SEC14L1: variants seen among roughly 807,000 people sequenced by gnomAD.
The protein encoded by SEC14L1 is SEC14-like protein 1.
SEC14L1 carries 48 observed loss-of-function variants against 85.3 expected under a neutral mutation model. The observed-to-expected ratio is 0.56, with a 90% confidence interval of 0.45 to 0.72. The LOEUF is 0.72. SEC14L1 is among the 30% of genes least tolerant of loss of function. The pLI is 0.00. For missense variants in SEC14L1, 682 were observed against 921.4 expected, an observed-to-expected ratio of 0.74 and a Z score of 3.36; for synonymous variants, 391 against 355.5, an observed-to-expected ratio of 1.10 and a Z score of -1.12.
chr17:77,117,745 A>AC lies in SEC14L1; in HGVS notation c.-136+24400dup, dbSNP rs538114011. On this transcript the variant is annotated intron_variant, in intron 3 of 19. Coordinates refer to the SEC14L1 transcript ENST00000392476. ...TTGGGCAAAGGGGCTTCGTTTGGGG[A>AC]CCTTTTGGTCTTTGAGACTCCCTGA... Among the ~76,000 whole-genome samples the AC allele has an allele frequency of 8.0e-4, 122 of 152,174 alleles. 1 individual carries two copies. Among genetic ancestry groups the AC allele is most frequent in the Admixed American group, 1.4e-3 (22 of 15,286 alleles).
chr17:77,204,522 C>CCTTTTTTT lies in SEC14L1; in HGVS notation c.1099-754_1099-753insCTTTTTTT, dbSNP rs1555628453. ...GGCTTGAGCCACCCTGCCCAGCCAGCTTTTTTTTTTTTTTTTTTTTTTTTT... is the reference window on the plus strand; with the variant it reads ...GGCTTGAGCCACCCTGCCCAGCCAGCCTTTTTTTTTTTTTTTTTTTTTTTTTTTTTTTT... On this transcript the variant is annotated intron_variant, in intron 10 of 16. Coordinates refer to ENST00000436233, the MANE Select transcript of SEC14L1 (RefSeq NM_001143998.2). Among the ~76,000 whole-genome samples the CCTTTTTTT allele has an allele frequency of 5.9e-5, 5 of 84,728 alleles. 1 individual carries two copies. Among genetic ancestry groups the CCTTTTTTT allele is most frequent in the Non-Finnish European group, 4.8e-5 (2 of 41,888 alleles). 55.6% of individuals were successfully genotyped at this position (84,728 alleles called of 152,430 possible).
At chr17:77,141,428 C>T (rs573731877) in intron 1 of SEC14L1, 1 of 150,646 alleles carries the variant, frequency 6.6e-6, no homozygotes, top group African/African-American at 2.5e-5. Flanking sequence ...CCAGTGCCCG[C>T]CCCTCTCTCC....
intron 3 of SEC14L1, among the ~76,000 whole-genome samples, chr17:77,189,442 TTTTGG>T (rs1303398572): frequency 6.6e-6 from 1 of 152,162 alleles, no homozygotes; most frequent in African/African-American, 2.4e-5. Context: ...AGGGACTCCA[TTTTGG>T]TTTGGTCTGC....
At chr17:77,149,230 C>G (rs1416344144) in intron 3 of SEC14L1, among the ~76,000 whole-genome samples, 2 of 152,218 alleles carry the variant, frequency 1.3e-5, no homozygotes, top group Non-Finnish European at 1.5e-5. Flanking sequence ...GTGTTGCTCT[C>G]ATACTATTTT....
chr17:77,105,544 T>C (rs1320091729), intron 3 of SEC14L1, among the ~76,000 whole-genome samples: 1 of 152,114 alleles, frequency 6.6e-6, no homozygotes, highest in East Asian at 1.9e-4. Flanking sequence ...AAAGATTAAA[T>C]GATGGTAAGG....
At chr17:77,144,166 T>C (rs1447174416) in intron 3 of SEC14L1, among the ~76,000 whole-genome samples, 1 of 152,256 alleles carries the variant, frequency 6.6e-6, no homozygotes, top group Non-Finnish European at 1.5e-5. Context: ...AGCATTTTAC[T>C]AGATGCAAAG....
In SEC14L1 at chr17:77,200,053, C is replaced by A. The variant is rs1476049165; in HGVS notation, c.820-431C>A. On this transcript the variant is annotated intron_variant, in intron 8 of 16. Coordinates refer to ENST00000436233, the MANE Select transcript of SEC14L1 (RefSeq NM_001143998.2). ...TGGTGGCGTGTGCCTGTGGTTCCAG[C>A]TGCTCAGGAGGCTGAGGTGGGAGGA... Among the ~76,000 whole-genome samples, 3 of 152,196 alleles carry A rather than the reference C, an allele frequency of 2.0e-5. No homozygotes were observed. In the East Asian group the frequency reaches 5.8e-4, roughly 29 times the overall value.
In SEC14L1 at chr17:77,194,868, C is replaced by T. The variant is rs140928052; in HGVS notation, c.666C>T (p.Leu222=). 268 of 1,614,222 alleles carry T rather than the reference C, an allele frequency of 1.7e-4. No individual in the cohort carries two copies. Among genetic ancestry groups the T allele is most frequent in the Admixed American group, 4.3e-4 (26 of 60,034 alleles). The change falls in exon 7 of 17, where the codon CTC becomes CTT. Residue 222 remains leucine, a synonymous_variant. Coordinates refer to ENST00000436233, the MANE Select transcript of SEC14L1 (RefSeq NM_001143998.2). ...ALKEGLSGDA[L]SSPSAPEPVV... is the part of the protein sequence containing the mutation. Reference sequence around the variant, plus strand: ...AGGAGGGGCTGAGTGGTGATGCCCTCAGCAGCCCCAGCGCACCTGAGCCCG... The same window carrying T: ...AGGAGGGGCTGAGTGGTGATGCCCTTAGCAGCCCCAGCGCACCTGAGCCCG...
chr17:77,188,313 C>A (rs2143779660), intron 3 of SEC14L1, among the ~76,000 whole-genome samples: 1 of 152,222 alleles, frequency 6.6e-6, no homozygotes, highest in African/African-American at 2.4e-5. Flanking sequence ...CCCACCCCTT[C>A]CTTAGCCCCG....
intron 9 of SEC14L1, among the ~76,000 whole-genome samples, chr17:77,202,936 T>TAA (rs11349959): frequency 9.7e-5 from 13 of 133,942 alleles, no homozygotes; most frequent in African/African-American, 3.6e-4. Context: ...AATAAAAAAA[T>TAA]AAAAAAAAAA....
intron 3 of SEC14L1, among the ~76,000 whole-genome samples, chr17:77,125,140 G>T (rs1427618545): frequency 6.6e-6 from 1 of 151,802 alleles, no homozygotes; most frequent in African/African-American, 2.4e-5. Flanking sequence ...AAGCAGCTGG[G>T]ACTACAGGCG....
In SEC14L1 at chr17:77,216,422, C is replaced by T. The variant is rs577877159; in HGVS notation, c.*2399C>T. The T allele has an allele frequency of 2.0e-5, 30 of 1,477,496 alleles. No homozygotes were observed. The highest frequency in any genetic ancestry group is 2.0e-4 in the South Asian group (16 of 79,130). The allele number at this position is 1,477,496 out of a possible 1,614,324, so 91.5% of individuals were successfully genotyped here. On this transcript the variant is annotated 3_prime_UTR_variant, in exon 17 of 17. Coordinates refer to ENST00000436233, the MANE Select transcript of SEC14L1 (RefSeq NM_001143998.2). ...GTAGGTAGGGTTCGTAGGTAGGGTTCGTAGGTAGGGTTCGTAGGTAGGGTT... is the reference window on the plus strand; with the variant it reads ...GTAGGTAGGGTTCGTAGGTAGGGTTTGTAGGTAGGGTTCGTAGGTAGGGTT...
At chr17:77,172,684 C>G (rs567417321) in intron 3 of SEC14L1, among the ~76,000 whole-genome samples, 1 of 152,320 alleles carries the variant, frequency 6.6e-6, no homozygotes, top group South Asian at 2.1e-4. Context: ...TTAACATCCC[C>G]TGCCCAAGAG....
intron 3 of SEC14L1, among the ~76,000 whole-genome samples, chr17:77,160,645 A>G (rs897713617): frequency 6.6e-6 from 1 of 152,226 alleles, no homozygotes; most frequent in African/African-American, 2.4e-5. Context: ...AAAGATTTGT[A>G]TTTAAAGATG....
At chr17:77,160,149 A>G (rs1276114523) in intron 3 of SEC14L1, among the ~76,000 whole-genome samples, 2 of 152,254 alleles carry the variant, frequency 1.3e-5, no homozygotes, top group African/African-American at 4.8e-5. Context: ...CTGTGGAGTT[A>G]TTATTCTGGT....
intron 3 of SEC14L1, among the ~76,000 whole-genome samples, chr17:77,172,726 C>T (rs529324305): frequency 3.3e-4 from 50 of 152,314 alleles, no homozygotes; most frequent in Non-Finnish European, 5.9e-4. Context: ...CATATATCCT[C>T]GCTTGCTCCT....
intron 7 of SEC14L1, 31 bp downstream of exon 7, chr17:77,194,942 C>T: frequency 6.5e-7 from 1 of 1,544,432 alleles, no homozygotes; most frequent in African/African-American, 1.4e-5. Context: ...ATCCCGAGAG[C>T]AAGGCTAGGG....
Position 77,214,341 on chromosome 17 carries a change from C to CA in SEC14L1, c.*324dup, listed in dbSNP as rs1976930588. On this transcript the variant is annotated 3_prime_UTR_variant, in exon 17 of 17. Transcript: ENST00000436233. ...ATTGACGTGGTCTCAGATATTGATG[C>CA]AAAAAATTTTTCCAACGAACTCCGC... 9.2e-7 allele frequency: 1 copy of CA among 1,085,942 alleles called. No individual in the cohort carries two copies. The highest frequency in any genetic ancestry group is 1.1e-6 in the Non-Finnish European group (1 of 892,136). The allele number at this position is 1,085,942 out of a possible 1,614,324, so 67.3% of individuals were successfully genotyped here. A position where few individuals can be genotyped will look rare whatever the true frequency, so the allele number is the denominator to read the frequency against.
At chr17:77,107,481 T>C (rs1971941119) in intron 3 of SEC14L1, among the ~76,000 whole-genome samples, 1 of 152,182 alleles carries the variant, frequency 6.6e-6, no homozygotes, top group African/African-American at 2.4e-5. Context: ...AAATCTATTA[T>C]ATATTTCTAT....
Sources: allele counts gnomAD v4.1 joint callset (sites outside exome capture counted in the v4.1 genomes callset), GRCh38; gene constraint gnomAD v4.1.1; transcripts MANE v1.5; gene names NCBI Gene and HGNC (gene_info 2026-07-23, HGNC 2026-07-21).